DLG1: variants seen among roughly 807,000 people sequenced by gnomAD.
DLG1 encodes the protein discs large MAGUK scaffold protein 1.
DLG1 carries 42 observed loss-of-function variants against 123.4 expected under a neutral mutation model. The observed-to-expected ratio is 0.34, with a 90% CI of 0.27 to 0.44. The LOEUF is 0.44. Among genes scored for constraint, DLG1 ranks in the 20% least tolerant of loss-of-function variants. DLG1 has a pLI of 1.00. For synonymous variants in DLG1, 317 were observed against 356.2 expected (o/e 0.89, Z 1.24); for missense variants, 942 against 1,082.6 (o/e 0.87, Z 1.82).
chr3:197,260,100 C>T (rs888012175), intron 4 of DLG1, among the ~76,000 whole-genome samples: 2 of 152,132 alleles, frequency 1.3e-5, no homozygotes, highest in African/African-American at 2.4e-5. Flanking sequence ...TTCAAAATAC[C>T]GCCCTTTCTA....
chr3:197,229,286 A>T (rs1315246275), intron 4 of DLG1, among the ~76,000 whole-genome samples: 1 of 151,998 alleles, frequency 6.6e-6, no homozygotes, highest in Non-Finnish European at 1.5e-5. Context: ...TGAGGCCAGA[A>T]GTTCGAGACC....
At position 197,085,664 on chromosome 3, in the gene DLG1, G is replaced by C. The variant is rs757079575; in HGVS notation, c.1754C>G (p.Ala585Gly). ...KFGDILHVIN[A>G]SDDEWWQARQ... Reference sequence around the variant, plus strand: ...GGCTTGCCACCATTCATCATCAGAAGCATTAATAACATGGAGGATATCTCC... The same window carrying C: ...GGCTTGCCACCATTCATCATCAGAACCATTAATAACATGGAGGATATCTCC... Residue 585 changes from alanine (A) to glycine (G), a missense_variant, in exon 16 of 25, where the codon GCT (alanine) becomes GGT (glycine). By Grantham distance (60) the Ala-to-Gly change is moderately conservative. Transcript: ENST00000667157. 2 of 1,613,870 alleles carry C rather than the reference G, an allele frequency of 1.2e-6. No homozygotes were observed. Among genetic ancestry groups the C allele is most frequent in the South Asian group, 1.1e-5 (1 of 91,068 alleles).
intron 15 of DLG1, among the ~76,000 whole-genome samples, chr3:197,088,590 AG>A (rs1253119631): frequency 1.3e-5 from 2 of 152,230 alleles, no homozygotes; most frequent in East Asian, 3.8e-4. Flanking sequence ...AGACAGCCAA[AG>A]GAAATAGAAT....
chr3:197,105,036 G>GAA, intron 13 of DLG1, 31 bp from the exon 14 acceptor site: 3 of 1,383,678 alleles, frequency 2.2e-6, no homozygotes, highest in African/African-American at 2.9e-5. Flanking sequence ...TAATTTGGGA[G>GAA]AAAAGAATCA....
At chr3:197,070,088 C>T (rs999519866) in intron 18 of DLG1, 1 of 152,110 alleles carries the variant, frequency 6.6e-6, no homozygotes, top group East Asian at 1.9e-4. Flanking sequence ...TTGGTAAAAC[C>T]ATAGGCACTC....
At chr3:197,150,836 G>C (rs1168916443) in intron 5 of DLG1, among the ~76,000 whole-genome samples, 1 of 152,010 alleles carries the variant, frequency 6.6e-6, no homozygotes, top group Non-Finnish European at 1.5e-5. Flanking sequence ...AATGCTTAAA[G>C]ACAACCTAGT....
At chr3:197,271,109 C>A (rs1246757034) in intron 4 of DLG1, among the ~76,000 whole-genome samples, 2 of 151,574 alleles carry the variant, frequency 1.3e-5, no homozygotes, top group Non-Finnish European at 2.9e-5. Context: ...CAACAGTCAC[C>A]CCCAGATCTT....
chr3:197,219,419 A>C (rs560044735), intron 4 of DLG1, among the ~76,000 whole-genome samples: 3 of 152,252 alleles, frequency 2.0e-5, no homozygotes, highest in Non-Finnish European at 4.4e-5. Context: ...ACGAATGCTC[A>C]GTGAACTTTA....
intron 20 of DLG1, among the ~76,000 whole-genome samples, chr3:197,066,136 A>T (rs879781851): frequency 6.6e-6 from 1 of 152,226 alleles, no homozygotes; most frequent in Non-Finnish European, 1.5e-5. Context: ...AGAAATTGTA[A>T]GGAAGCAGAG....
chr3:197,250,700 C>T (rs1388672092), intron 4 of DLG1, among the ~76,000 whole-genome samples: 2 of 151,480 alleles, frequency 1.3e-5, no homozygotes, highest in Non-Finnish European at 2.9e-5. Context: ...TACAGGAAAA[C>T]TATAAAACAC....
At chr3:197,230,375 A>G (rs1030372343) in intron 4 of DLG1, among the ~76,000 whole-genome samples, 3 of 152,242 alleles carry the variant, frequency 2.0e-5, no homozygotes, top group Non-Finnish European at 4.4e-5. Flanking sequence ...AAAAGGGTTA[A>G]AATACAAGAG....
At chr3:197,058,647 T>C (rs1733576888) in intron 23 of DLG1, among the ~76,000 whole-genome samples, 2 of 152,244 alleles carry the variant, frequency 1.3e-5, no homozygotes, top group African/African-American at 2.4e-5. Flanking sequence ...AACTGTTTCA[T>C]GTACACTGGA....
intron 18 of DLG1, among the ~76,000 whole-genome samples, 160 bp downstream of exon 18, chr3:197,076,426 A>G (rs1747318920): frequency 6.6e-6 from 1 of 152,234 alleles, no homozygotes; most frequent in Admixed American, 6.5e-5. Flanking sequence ...GAAAAAGTTA[A>G]GATCGGCATA....
intron 4 of DLG1, among the ~76,000 whole-genome samples, chr3:197,257,206 TAATATA>T (rs146432067): frequency 0.11 from 17,208 of 152,140 alleles, 1,065 homozygotes; most frequent in Middle Eastern, 0.15. Flanking sequence ...GAAAGTACCC[TAATATA>T]AATATGAATA....
chr3:197,087,884 C>T (rs1755360642), intron 15 of DLG1, among the ~76,000 whole-genome samples: 1 of 152,050 alleles, frequency 6.6e-6, no homozygotes, highest in African/African-American at 2.4e-5. Flanking sequence ...TTTCCCAGTC[C>T]CCAAACCCAC....
chr3:197,167,065 T>C (rs1354940928), intron 5 of DLG1, among the ~76,000 whole-genome samples: 4 of 152,022 alleles, frequency 2.6e-5, no homozygotes, highest in Non-Finnish European at 4.4e-5. Flanking sequence ...AGAAGTTGGC[T>C]TGAAGGGCTG....
In DLG1 at chr3:197,229,895, C is replaced by T. The variant is rs78070182; in HGVS notation, c.319-35306G>A. Among the ~76,000 whole-genome samples, 1,324 of 152,326 alleles carry T rather than the reference C, an allele frequency of 8.7e-3. 10 individuals are homozygous for T. The highest frequency in any genetic ancestry group is 0.012 in the Non-Finnish European group (848 of 68,028). On this transcript the variant is annotated intron_variant, in intron 4 of 24. Transcript: ENST00000667157. ...TCTTACGAGGTAAAAAGTATTATAA[C>T]GTCCATTTGATAAATGAGAGAAACT...
intron 4 of DLG1, among the ~76,000 whole-genome samples, chr3:197,231,239 T>C (rs889039509): frequency 1.3e-5 from 2 of 152,194 alleles, no homozygotes; most frequent in Non-Finnish European, 1.5e-5. Context: ...GCTTATTTGC[T>C]GTCTTTTTGA....
At chr3:197,045,662 T>TG (rs1207615764) in intron 24 of DLG1, among the ~76,000 whole-genome samples, 13 of 152,150 alleles carry the variant, frequency 8.5e-5, no homozygotes, top group African/African-American at 2.2e-4. Context: ...GATGATCTCT[T>TG]GAGCCCAGGA....
Sources: gnomAD v4.1 joint callset for allele counts (sites outside exome capture counted in the v4.1 genomes callset) on GRCh38, gnomAD v4.1.1 for gene constraint, MANE v1.5 for transcripts, NCBI Gene and HGNC (gene_info 2026-07-23, HGNC 2026-07-21) for gene names.